Variants in SSH2 observed in about 807,000 individuals in gnomAD.
SSH2 encodes the protein protein phosphatase Slingshot homolog 2.
In SSH2, 37 loss-of-function variants were observed where a neutral mutation model predicts 135.2. The ratio of observed to expected loss-of-function variants is 0.27; its 90% CI spans 0.21 to 0.36. The LOEUF (loss-of-function observed/expected upper bound fraction) is 0.36, where lower values mean the gene tolerates loss of function less well. Ranked by LOEUF, SSH2 falls within the 10% of genes least tolerant of loss-of-function variation. SSH2 has a pLI of 1.00. For synonymous variants in SSH2, 628 were observed against 646.2 expected (o/e 0.97, Z 0.43); for missense variants, 1,408 against 1,765.3 (o/e 0.80, Z 3.63).
chr17:29,703,947 C>T (rs1206276867), intron 3 of SSH2, among the ~76,000 whole-genome samples: 1 of 152,154 alleles, frequency 6.6e-6, no homozygotes, highest in Admixed American at 6.6e-5. Flanking sequence ...ACCAGAATGC[C>T]TGAGTTTGAA....
At chr17:29,906,340 TACACC>T (rs1187783829) in intron 1 of SSH2, among the ~76,000 whole-genome samples, 1 of 152,176 alleles carries the variant, frequency 6.6e-6, no homozygotes, top group Admixed American at 6.5e-5. Context: ...ACCCCTTCCT[TACACC>T]ACATGCAAAA....
intron 3 of SSH2, among the ~76,000 whole-genome samples, chr17:29,706,341 C>T (rs1567899871): frequency 6.6e-6 from 1 of 152,186 alleles, no homozygotes; most frequent in East Asian, 1.9e-4. Context: ...CTGAAACACA[C>T]CTTCTAAAAA....
At chr17:29,664,904 A>G (rs2037208853) in intron 11 of SSH2, among the ~76,000 whole-genome samples, 1 of 152,184 alleles carries the variant, frequency 6.6e-6, no homozygotes, top group Non-Finnish European at 1.5e-5. Flanking sequence ...ACAGGGAAGC[A>G]TGCATGAAAT....
chr17:29,855,915 C>T (rs920204425), intron 1 of SSH2: 18 of 254,568 alleles, frequency 7.1e-5, no homozygotes, highest in East Asian at 3.9e-4. Flanking sequence ...AAAGAAGAGG[C>T]GCTAGGTTGA....
intron 3 of SSH2, chr17:29,777,472 C>T (rs759129802): frequency 5.9e-5 from 9 of 152,060 alleles, no homozygotes; most frequent in Non-Finnish European, 1.0e-4. Flanking sequence ...CAACCTAATA[C>T]GAAAATGTAT....
chr17:29,681,166 G>A (rs1180576669), intron 6 of SSH2, among the ~76,000 whole-genome samples: 5 of 150,954 alleles, frequency 3.3e-5, no homozygotes, highest in South Asian at 2.1e-4. Flanking sequence ...GTGAAACCCC[G>A]TCTACTAAAA....
intron 1 of SSH2, among the ~76,000 whole-genome samples, chr17:29,904,460 G>A (rs1311389951): frequency 6.6e-6 from 1 of 151,972 alleles, no homozygotes; most frequent in African/African-American, 2.4e-5. Flanking sequence ...ATCCCTTCAG[G>A]TTAAAAACTC....
chr17:29,798,064 G>GC (rs2032828459), intron 2 of SSH2, among the ~76,000 whole-genome samples: 1 of 152,044 alleles, frequency 6.6e-6, no homozygotes, highest in African/African-American at 2.4e-5. Flanking sequence ...CATCAACAAT[G>GC]CGTGAGAGTT....
At chr17:29,761,627 T>C (rs1261626059) in intron 3 of SSH2, among the ~76,000 whole-genome samples, 3 of 152,094 alleles carry the variant, frequency 2.0e-5, no homozygotes, top group South Asian at 2.1e-4. Flanking sequence ...GGAGTGAAGC[T>C]ACTCAAGGGT....
chr17:29,804,964 G>A lies in SSH2; in HGVS notation c.145-11027C>T, dbSNP rs556324574. On this transcript the variant is annotated intron_variant, in intron 2 of 15. Coordinates refer to ENST00000540801, the MANE Select transcript of SSH2 (RefSeq NM_001282129.2). ...CCACCTCGGCCTGCCAAAGTGCTAG[G>A]GTTACAGATATGAGCTACCACACCT... Among the ~76,000 whole-genome samples the A allele has an allele frequency of 2.0e-5, 3 of 149,942 alleles. No homozygotes were observed. The South Asian group carries it at 6.4e-4, about 32-fold the overall frequency.
chr17:29,790,606 T>C (rs994708306), intron 3 of SSH2, among the ~76,000 whole-genome samples: 2 of 152,238 alleles, frequency 1.3e-5, no homozygotes, highest in African/African-American at 4.8e-5. Flanking sequence ...TTTCACTCTG[T>C]TGATAGTGTC....
chr17:29,805,691 T>C (rs530155918), intron 2 of SSH2, among the ~76,000 whole-genome samples: 1 of 152,056 alleles, frequency 6.6e-6, no homozygotes, highest in African/African-American at 2.4e-5. Flanking sequence ...TCGGAATCAG[T>C]ACATTAAAAA....
At chr17:29,797,788 T>C (rs1382480891) in intron 2 of SSH2, among the ~76,000 whole-genome samples, 1 of 152,136 alleles carries the variant, frequency 6.6e-6, no homozygotes, top group Non-Finnish European at 1.5e-5. Flanking sequence ...CTCTGGAGGC[T>C]GAGGTGGGAG....
rs766241229 is a variant in SSH2 at position 29,631,574 on chromosome 17, T to C, written c.3620A>G (p.Gln1207Arg). The C allele has an allele frequency of 1.9e-6, 3 of 1,614,168 alleles. No individual in the cohort carries two copies. Among genetic ancestry groups the C allele is most frequent in the Non-Finnish European group, 2.5e-6 (3 of 1,180,042 alleles). The change falls in exon 16 of 16, where the codon CAG becomes CGG. Residue 1207 changes from glutamine to arginine, a missense_variant. Physicochemically the swap from Gln to Arg is conservative, Grantham distance 43 (BLOSUM62 1). Coordinates refer to ENST00000540801, the MANE Select transcript of SSH2 (RefSeq NM_001282129.2). Reference sequence around the variant, plus strand: ...TAAACTTAGGTCTGCGCTACTTAGCTGGGAGTCCTTATATGGCACCTCACT... The same window carrying C: ...TAAACTTAGGTCTGCGCTACTTAGCCGGGAGTCCTTATATGGCACCTCACT... ...SGSEVPYKDS[Q>R]LSSADLSLIS...
chr17:29,683,022 T>C (rs1050453976), intron 6 of SSH2, among the ~76,000 whole-genome samples: 2 of 152,212 alleles, frequency 1.3e-5, no homozygotes, highest in South Asian at 2.1e-4. Flanking sequence ...AAGGTAAACA[T>C]TGGTTTGGGA....
Position 29,631,449 on chromosome 17 carries a change from TTA to T in SSH2, c.3743_3744del (p.Ile1248LysfsTer15), listed in dbSNP as rs751618686. The stretch of plus-strand genomic sequence containing the variant: ...ACACCGGGGCTGTGGCTGAGACTCT[TTA>T]TGTTTTCACTACTAGAGCTATGTGG... ...RLPHSSSSENIKSLSHSPGVV... is the reference protein window; with the variant it reads ...RLPHSSSSENXKSLSHSPGVV... On this transcript the variant is annotated frameshift_variant, in exon 16 of 16. Coordinates refer to ENST00000540801, the MANE Select transcript of SSH2 (RefSeq NM_001282129.2). LOFTEE classifies it high-confidence loss of function. 4.3e-6 allele frequency: 7 copies of T among 1,614,130 alleles called. No homozygotes were observed. Among genetic ancestry groups the T allele is most frequent in the Admixed American group, 1.7e-5 (1 of 60,022 alleles).
At chr17:29,766,653 T>G (rs1402467653) in intron 3 of SSH2, among the ~76,000 whole-genome samples, 1 of 152,176 alleles carries the variant, frequency 6.6e-6, no homozygotes, top group African/African-American at 2.4e-5. Flanking sequence ...TGTAATAGCT[T>G]TAACTTACAT....
At chr17:29,680,712 T>C (rs1243386444) in intron 6 of SSH2, among the ~76,000 whole-genome samples, 1 of 151,984 alleles carries the variant, frequency 6.6e-6, no homozygotes, top group Non-Finnish European at 1.5e-5. Flanking sequence ...CCACAAGTTT[T>C]GTTGAGTAGA....
intron 3 of SSH2, among the ~76,000 whole-genome samples, chr17:29,773,578 A>C (rs926939146): frequency 1.3e-5 from 2 of 152,222 alleles, no homozygotes; most frequent in African/African-American, 4.8e-5. Context: ...AGATTTCTCC[A>C]TCAGATGGTT....
Sources: allele counts gnomAD v4.1 joint callset (sites outside exome capture counted in the v4.1 genomes callset), GRCh38; gene constraint gnomAD v4.1.1; transcripts MANE v1.5; gene names NCBI Gene and HGNC (gene_info 2026-07-23, HGNC 2026-07-21).